FNTA: variants seen among roughly 807,000 people sequenced by gnomAD.
FNTA encodes the protein protein farnesyltransferase/geranylgeranyltransferase type-1 subunit alpha.
FNTA carries 27 observed loss-of-function variants against 55.2 expected under a neutral mutation model. The observed-to-expected ratio is 0.49, with a 90% CI of 0.36 to 0.67. The LOEUF is 0.67. FNTA is among the 30% of genes least tolerant of loss of function. The pLI is 0.00. For missense variants in FNTA, 422 were observed against 464.7 expected (o/e 0.91, Z 0.85); for synonymous variants, 176 against 170.7 (o/e 1.03, Z -0.24).
chr8:43,056,701 G>T, intron 1 of FNTA, 155 bp downstream of exon 1: 1 of 312,696 alleles, frequency 3.2e-6, no homozygotes, highest in Admixed American at 5.4e-5. Context: ...GCGGCTGCCG[G>T]GACGTCGCCG....
At chr8:43,057,618 C>T (rs1465176804) in intron 1 of FNTA, among the ~76,000 whole-genome samples, 1 of 152,104 alleles carries the variant, frequency 6.6e-6, no homozygotes, top group Non-Finnish European at 1.5e-5. Context: ...GCATTGGATG[C>T]CACAGAATCT....
chr8:43,059,792 C>G (rs1325605157), intron 2 of FNTA, among the ~76,000 whole-genome samples: 2 of 62,204 alleles, frequency 3.2e-5, no homozygotes, highest in African/African-American at 8.6e-5. Flanking sequence ...TAAGATCATT[C>G]TTTTACAAAA....
At chr8:43,069,797 A>C in intron 4 of FNTA, 138 bp downstream of exon 4, 1 of 598,752 alleles carries the variant, frequency 1.7e-6, no homozygotes, top group Non-Finnish European at 3.0e-6. Context: ...GGTGCACGCA[A>C]CCACACCTGG....
intron 8 of FNTA, 139 bp downstream of exon 8, chr8:43,085,020 C>A: frequency 9.0e-7 from 1 of 1,114,158 alleles, no homozygotes; most frequent in Non-Finnish European, 1.3e-6. Context: ...GCAGCATTGA[C>A]ATCACTTGGC....
chr8:43,062,173 A>ATG (rs35607201), intron 2 of FNTA, among the ~76,000 whole-genome samples: 5,493 of 148,958 alleles, frequency 0.037, 235 homozygotes, highest in African/African-American at 0.1. Context: ...TGTATGTTTT[A>ATG]TGTGTGTGTG....
At chr8:43,071,033 T>G (rs1179713910) in intron 4 of FNTA, among the ~76,000 whole-genome samples, 1 of 152,222 alleles carries the variant, frequency 6.6e-6, no homozygotes, top group Non-Finnish European at 1.5e-5. Flanking sequence ...TATCTTGTCT[T>G]AATCTGTAAG....
At chr8:43,076,509 T>C (rs1810915066) in intron 5 of FNTA, 1 of 152,196 alleles carries the variant, frequency 6.6e-6, no homozygotes, top group Admixed American at 6.5e-5. Flanking sequence ...TTTAATGTAA[T>C]TTTATCATAT....
chr8:43,062,243 A>C (rs1337066401), intron 2 of FNTA, among the ~76,000 whole-genome samples: 7 of 150,934 alleles, frequency 4.6e-5, no homozygotes, highest in Non-Finnish European at 1.0e-4. Context: ...TACATATTTA[A>C]TATGTTACCA....
In FNTA at chr8:43,077,235, A is replaced by G; in HGVS notation, c.653A>G (p.Asn218Ser). 2 of 1,591,122 alleles carry G rather than the reference A, an allele frequency of 1.3e-6. No individual in the cohort carries two copies. Among genetic ancestry groups the G allele is most frequent in the Non-Finnish European group, 1.7e-6 (2 of 1,167,528 alleles). ...CTTTAGGAATTTAAACTTTGGGATA[A>G]TGAGCTGCAGTATGTGGACCAACTT... is the stretch of plus-strand genomic sequence containing the variant. Reference protein sequence around the residue: ...WVIQEFKLWDNELQYVDQLLK... With the variant: ...WVIQEFKLWDSELQYVDQLLK... Residue 218 changes from asparagine to serine, a missense_variant, in exon 6 of 9, where the codon AAT (asparagine) becomes AGT (serine). Asn to Ser is a conservative substitution (Grantham distance 46). Coordinates refer to ENST00000302279, the MANE Select transcript of FNTA (RefSeq NM_002027.3).
At chr8:43,071,705 A>C (rs377008868) in intron 4 of FNTA, among the ~76,000 whole-genome samples, 25 of 152,012 alleles carry the variant, frequency 1.6e-4, no homozygotes, top group African/African-American at 3.1e-4. Flanking sequence ...AAAAAAAAAA[A>C]AAAAAACAAA....
Position 43,084,820 on chromosome 8 carries a change from A to G in FNTA, c.956A>G (p.Tyr319Cys), listed in dbSNP as rs777497224. The G allele has an allele frequency of 1.4e-5, 23 of 1,613,984 alleles. No homozygotes were observed. Among genetic ancestry groups the G allele is most frequent in the Middle Eastern group, 1.6e-4 (1 of 6,062 alleles). ...PYLIAFLVDI[Y>C]EDMLENQCDN... The stretch of plus-strand genomic sequence containing the variant: ...CTAATTGCCTTTCTTGTGGATATCT[A>G]TGAAGACATGCTAGAAAATCAGTGT... Residue 319 changes from tyrosine to cysteine, a missense_variant, in exon 8 of 9, where the codon TAT becomes TGT. Physicochemically the swap from Tyr to Cys is radical, Grantham distance 194. This residue lies in a region of FNTA where 262 missense variants were observed against 343.1 expected (regional missense o/e 0.76). Transcript: ENST00000302279.
intron 5 of FNTA, among the ~76,000 whole-genome samples, chr8:43,075,287 A>G (rs1586659553): frequency 6.6e-6 from 1 of 152,276 alleles, no homozygotes; most frequent in East Asian, 1.9e-4. Flanking sequence ...GAACTTTCAC[A>G]AAAATGTTAC....
intron 2 of FNTA, among the ~76,000 whole-genome samples, chr8:43,060,914 A>G (rs1232699055): frequency 6.6e-6 from 1 of 150,882 alleles, no homozygotes; most frequent in Non-Finnish European, 1.5e-5. Context: ...ATAAGGAGAC[A>G]GAGAGTTTAA....
intron 3 of FNTA, among the ~76,000 whole-genome samples, chr8:43,066,998 A>G (rs1319219999): frequency 2.0e-5 from 3 of 152,212 alleles, no homozygotes; most frequent in African/African-American, 7.2e-5. Context: ...TGCTTTTTGC[A>G]GATCTTATCC....
At chr8:43,056,840 C>T (rs1006991619) in intron 1 of FNTA, 3 of 159,974 alleles carry the variant, frequency 1.9e-5, no homozygotes, top group African/African-American at 7.2e-5. Context: ...TCAGGCGTCG[C>T]GATTCGTAAA....
At chr8:43,075,689 A>C (rs2130564580) in intron 5 of FNTA, among the ~76,000 whole-genome samples, 1 of 152,128 alleles carries the variant, frequency 6.6e-6, no homozygotes, top group South Asian at 2.1e-4. Context: ...GTTGGCTCAC[A>C]CCTGTAGTCC....
intron 3 of FNTA, among the ~76,000 whole-genome samples, chr8:43,066,587 CGTGTGTGTGTGTGTGT>C (rs34748037): frequency 6.7e-6 from 1 of 148,680 alleles, no homozygotes; most frequent in South Asian, 2.1e-4. Flanking sequence ...TAGCATCGTT[CGTGTGTGTGTGTGTGT>C]GTGTGTGTGT....
chr8:43,059,237 T>G, intron 2 of FNTA, 60 bp downstream of exon 2: 1 of 1,182,018 alleles, frequency 8.5e-7, no homozygotes, highest in African/African-American at 1.5e-5. Flanking sequence ...GAATTGGAAT[T>G]CACAACTATG....
Position 43,056,324 on chromosome 8 carries a change from C to T in FNTA, c.-23C>T, listed in dbSNP as rs1303989765. The stretch of plus-strand genomic sequence containing the variant: ...GGGAGGGGCGGGGCCTCCGCCACCA[C>T]CTCAGCTGCGGACCGAGGCGAGATG... On this transcript the variant is annotated 5_prime_UTR_variant, in exon 1 of 9. Transcript: ENST00000302279. 3.6e-6 allele frequency: 5 copies of T among 1,393,094 alleles called. No individual in the cohort carries two copies. Among genetic ancestry groups the T allele is most frequent in the Middle Eastern group, 2.6e-4 (1 of 3,824 alleles). The allele number at this position is 1,393,094 out of a possible 1,614,324, so 86.3% of individuals were successfully genotyped here. A position where few individuals can be genotyped will look rare whatever the true frequency, so the allele number is the denominator to read the frequency against.
Sources: gnomAD v4.1 joint callset for allele counts (sites outside exome capture counted in the v4.1 genomes callset) on GRCh38, gnomAD v4.1.1 for gene constraint, gnomAD v4.1.1 regional missense constraint, MANE v1.5 for transcripts, NCBI Gene and HGNC (gene_info 2026-07-23, HGNC 2026-07-21) for gene names.